The following MYH4 variants were observed in gnomAD, a reference collection of about 807,000 sequenced individuals.
MYH4 encodes myosin heavy chain 4, also known as myosin-4.
MYH4 carries 200 observed loss-of-function variants against 229.9 expected under a neutral mutation model. The observed-to-expected ratio is 0.87, with a 90% CI of 0.78 to 0.98. MYH4 has a LOEUF of 0.98. MYH4 is among the 50% of genes least tolerant of loss of function. The pLI, the probability that MYH4 is intolerant of heterozygous loss-of-function variation, is 0.00. For synonymous variants in MYH4, 761 were observed against 834.6 expected, an observed-to-expected ratio of 0.91 and a Z score of 1.52; for missense variants, 2,148 against 2,332.6, an observed-to-expected ratio of 0.92 and a Z score of 1.63.
chr17:10,448,770 C>T lies in MYH4; in HGVS notation c.4379G>A (p.Trp1460Ter). The change falls in exon 32 of 40, where the codon TGG (tryptophan) becomes TAG (stop). Residue 1460 changes from tryptophan to a stop codon, truncating the protein, a stop_gained. Coordinates refer to ENST00000255381, the MANE Select transcript of MYH4 (RefSeq NM_017533.2). LOFTEE classifies it high-confidence loss of function. Reference protein sequence around the residue: ...QRNFDKVLAEWKQKYEETQAE... With the variant: ...QRNFDKVLAE ...CTGAGTTTCCTCATACTTCTGTTTC[C>T]ATTCTGCCAGAACCTGGAAGTATAT... 1 of 1,613,822 alleles carries T rather than the reference C, an allele frequency of 6.2e-7. No homozygotes were observed. The highest frequency in any genetic ancestry group is 8.5e-7 in the Non-Finnish European group (1 of 1,179,942).
At chr17:10,453,906 T>C in intron 22 of MYH4, 21 bp from the exon 23 acceptor site, 1 of 1,613,116 alleles carries the variant, frequency 6.2e-7, no homozygotes, top group Non-Finnish European at 8.5e-7. Flanking sequence ...AAATTAAGCA[T>C]TTTCATTTGT....
chr17:10,451,014 C>T, intron 28 of MYH4, 119 bp from the exon 29 acceptor site: 2 of 913,082 alleles, frequency 2.2e-6, no homozygotes, highest in South Asian at 1.7e-5. Flanking sequence ...TCAAGATTTT[C>T]AGTGATGTTG....
intron 17 of MYH4, 77 bp from the exon 18 acceptor site, chr17:10,455,978 C>T: frequency 6.4e-7 from 1 of 1,559,838 alleles, no homozygotes; most frequent in Non-Finnish European, 8.8e-7. Flanking sequence ...ATTTGTCTTT[C>T]ATTTCACATT....
chr17:10,446,967 T>G (rs2072518167), intron 35 of MYH4, 46 bp downstream of exon 35: 1 of 1,556,196 alleles, frequency 6.4e-7, no homozygotes, highest in Non-Finnish European at 8.8e-7. Flanking sequence ...CAAATTATCT[T>G]CAGCTTCAGG....
Position 10,461,055 on chromosome 17 carries a change from CTG to C in MYH4, c.1009-3_1009-2del. 1 of 1,614,000 alleles carries C rather than the reference CTG, an allele frequency of 6.2e-7. No individual in the cohort carries two copies. Among genetic ancestry groups the C allele is most frequent in the Non-Finnish European group, 8.5e-7 (1 of 1,179,914 alleles). On this transcript the variant is annotated splice_acceptor_variant and splice_polypyrimidine_tract_variant and intron_variant, in intron 11 of 39. Coordinates refer to ENST00000255381, the MANE Select transcript of MYH4 (RefSeq NM_017533.2). LOFTEE classifies it high-confidence loss of function. The stretch of plus-strand genomic sequence containing the variant: ...TGAAACCCAGGATGTCCACAGCACT[CTG>C]TCAAAAGAGTTGAATTTGCTCATCC...
intron 28 of MYH4, 74 bp downstream of exon 28, chr17:10,451,252 G>GCAA: frequency 2.6e-6 from 4 of 1,530,326 alleles, no homozygotes; most frequent in Non-Finnish European, 3.5e-6. Flanking sequence ...GAAATTACTT[G>GCAA]TATTTGATAG....
intron 9 of MYH4, 61 bp from the exon 10 acceptor site, chr17:10,463,249 A>G: frequency 6.4e-7 from 1 of 1,559,704 alleles, no homozygotes. Flanking sequence ...AAGTGTTTGA[A>G]AATTTCACAC....
At position 10,456,487 on chromosome 17, in the gene MYH4, T is replaced by C. The variant is rs1282052879; in HGVS notation, c.1966A>G (p.Arg656Gly). The C allele has an allele frequency of 1.2e-6, 2 of 1,612,438 alleles. No homozygotes were observed. The highest frequency in any genetic ancestry group is 3.3e-5 in the Admixed American group (2 of 59,974). Residue 656 changes from arginine to glycine, a missense_variant and splice_region_variant, in exon 17 of 40, where the codon AGG becomes GGG. Arg to Gly is a moderately radical substitution (Grantham distance 125). Coordinates refer to ENST00000255381, the MANE Select transcript of MYH4 (RefSeq NM_017533.2). The part of the protein sequence containing the change: ...SSFQTVSALF[R>G]ENLNKLMTNL... ...TGTAATTCAAGAATATACTGTACCCTGAAAAGAGCTGACACTGTCTGGAAA... is the reference window on the plus strand; with the variant it reads ...TGTAATTCAAGAATATACTGTACCCCGAAAAGAGCTGACACTGTCTGGAAA...
chr17:10,463,854 C>T (rs553257452), intron 7 of MYH4, among the ~76,000 whole-genome samples: 64 of 152,258 alleles, frequency 4.2e-4, no homozygotes, highest in African/African-American at 1.5e-3. Context: ...CCCAGAAAAG[C>T]ACCTAAAAAA....
rs781229189 is a variant in MYH4, at chr17:10,447,143, C to G, written c.5039G>C (p.Arg1680Pro). Residue 1680 changes from arginine (R) to proline (P), a missense_variant, in exon 35 of 40, where the codon CGC (arginine) becomes CCC (proline). Arg to Pro is a moderately radical substitution (Grantham distance 103, BLOSUM62 -2). Coordinates refer to ENST00000255381, the MANE Select transcript of MYH4 (RefSeq NM_017533.2). Reference sequence around the variant, plus strand: ...TTCAGCCTGCATCAGGTTAGCTCTGCGCTCAACCATTGCCAGTTGTTCCTT... The same window carrying G: ...TTCAGCCTGCATCAGGTTAGCTCTGGGCTCAACCATTGCCAGTTGTTCCTT... ...DLKEQLAMVE[R>P]RANLMQAEVE... 3.1e-6 allele frequency: 5 copies of G among 1,614,014 alleles called. No individual in the cohort carries two copies. The Admixed American group carries it at 5.0e-5, about 16-fold the overall frequency.
chr17:10,444,794 C>T lies in MYH4; in HGVS notation c.5571+1G>A, dbSNP rs779599645. On this transcript the variant is annotated splice_donor_variant, in intron 38 of 39. Coordinates refer to ENST00000255381, the MANE Select transcript of MYH4 (RefSeq NM_017533.2). LOFTEE classifies it high-confidence loss of function. ...CTGGAAGATATGAAAACACTGGTCA[C>T]CTGGTAAGTGAGTTCCTTCACTCTT... 1.1e-5 allele frequency: 17 copies of T among 1,613,902 alleles called. No homozygotes were observed. Among genetic ancestry groups the T allele is most frequent in the Admixed American group, 1.7e-5 (1 of 60,010 alleles).
At position 10,448,630 on chromosome 17, in the gene MYH4, T is replaced by C; in HGVS notation, c.4519A>G (p.Lys1507Glu). ...DHLETLKREN[K>E]NLQQEISDLT... Reference sequence around the variant, plus strand: ...TACAGTGACTCACGTTGTAAGTTCTTATTCTCTCGCTTTAGAGTTTCAAGA... The same window carrying C: ...TACAGTGACTCACGTTGTAAGTTCTCATTCTCTCGCTTTAGAGTTTCAAGA... Residue 1507 changes from lysine to glutamate, a missense_variant, in exon 32 of 40, where the codon AAG becomes GAG. Physicochemically the swap from Lys to Glu is moderately conservative, Grantham distance 56. Coordinates refer to ENST00000255381, the MANE Select transcript of MYH4 (RefSeq NM_017533.2). 6.2e-7 allele frequency: 1 copy of C among 1,613,926 alleles called. No homozygotes were observed. The highest frequency in any genetic ancestry group is 1.1e-5 in the South Asian group (1 of 91,052).
Position 10,455,061 on chromosome 17 carries a change from C to G in MYH4, c.2315G>C (p.Gly772Ala). ...CATTTCCTCTAGAGTTCCCAGCAGG[C>G]CAGCTTTGAAGAAAACCTTATGAAA... ...FGHTKVFFKAGLLGTLEEMRD... is the reference protein window; with the variant it reads ...FGHTKVFFKAALLGTLEEMRD... The change falls in exon 21 of 40, where the codon GGC (glycine) becomes GCC (alanine). Residue 772 changes from glycine to alanine, a missense_variant. By Grantham distance (60) the Gly-to-Ala change is moderately conservative. Transcript: ENST00000255381. The G allele has an allele frequency of 2.5e-6, 4 of 1,614,130 alleles. No homozygotes were observed. Among genetic ancestry groups the G allele is most frequent in the Non-Finnish European group, 3.4e-6 (4 of 1,180,036 alleles).
chr17:10,450,906 C>CA lies in MYH4; in HGVS notation c.3866-12dup, dbSNP rs369299653. The CA allele has an allele frequency of 5.9e-4, 932 of 1,577,896 alleles. 9 individuals carry two copies. In the East Asian group the frequency reaches 7.6e-3, roughly 13 times the overall value. On this transcript the variant is annotated splice_polypyrimidine_tract_variant and intron_variant, in intron 28 of 39. Transcript: ENST00000255381. Reference sequence around the variant, plus strand: ...GTCGTGAAAACTCACCTGTGGAAGACAAAACATCAATGATTTAGTTCTGTT... The same window carrying CA: ...GTCGTGAAAACTCACCTGTGGAAGACAAAAACATCAATGATTTAGTTCTGTT...
chr17:10,447,778 C>T lies in MYH4; in HGVS notation c.4965+40G>A, dbSNP rs904817484. On this transcript the variant is annotated intron_variant, in intron 34 of 39. Transcript: ENST00000255381. ...TTAAAATTTGAGTTACACAGTAGCA[C>T]TGAGACTGTACAACACTATGTGTAT... 2.6e-6 allele frequency: 4 copies of T among 1,537,318 alleles called. No homozygotes were observed. In the African/African-American group the frequency reaches 4.1e-5, roughly 16 times the overall value.
At chr17:10,464,783 C>CA (rs1198186204) in intron 5 of MYH4, 75 bp from the exon 6 acceptor site, 3 of 1,452,284 alleles carry the variant, frequency 2.1e-6, no homozygotes, top group Non-Finnish European at 2.8e-6. Context: ...CTTATAAACT[C>CA]AAAATTGTCT....
intron 34 of MYH4, among the ~76,000 whole-genome samples, 156 bp from the exon 35 acceptor site, chr17:10,447,372 T>G (rs1481147006): frequency 6.6e-6 from 1 of 152,154 alleles, no homozygotes; most frequent in Admixed American, 6.5e-5. Context: ...TAGCTGAGGG[T>G]TGCAGTTCTA....
At position 10,455,719 on chromosome 17, in the gene MYH4, T is replaced by C. The variant is rs771566342; in HGVS notation, c.2069A>G (p.His690Arg). 7.4e-6 allele frequency: 12 copies of C among 1,614,084 alleles called. No individual in the cohort carries two copies. The Admixed American group carries it at 2.0e-4, about 27-fold the overall frequency. Residue 690 changes from histidine to arginine, a missense_variant, in exon 19 of 40, where the codon CAT becomes CGT. Coordinates refer to ENST00000255381, the MANE Select transcript of MYH4 (RefSeq NM_017533.2). ...NETKTPGAME[H>R]ELVLHQLRCN... ...CCTCAGCTGATGCAGGACAAGCTCA[T>C]GCTCCATGGCACCTAAGAGAATGAA...
chr17:10,463,488 T>C, intron 8 of MYH4, 63 bp downstream of exon 8: 2 of 1,574,238 alleles, frequency 1.3e-6, no homozygotes, highest in Non-Finnish European at 1.7e-6. Flanking sequence ...GAAAAAATAT[T>C]GACACCACAT....
Sources: gnomAD v4.1 joint callset for allele counts (sites outside exome capture counted in the v4.1 genomes callset) on GRCh38, gnomAD v4.1.1 for gene constraint, MANE v1.5 for transcripts, NCBI Gene and HGNC (gene_info 2026-07-23, HGNC 2026-07-21) for gene names.